LRFN1: variants seen among roughly 807,000 people sequenced by gnomAD.
The protein encoded by LRFN1 is leucine-rich repeat and fibronectin type III domain-containing protein 1.
A neutral mutation model predicts 31.8 loss-of-function variants in LRFN1; 20 were observed. The ratio of observed to expected loss-of-function variants is 0.63; its 90% CI spans 0.44 to 0.91. LRFN1 has a LOEUF of 0.91. Ranked by LOEUF, LRFN1 falls within the 40% of genes least tolerant of loss-of-function variation. The pLI is 0.00. For synonymous variants in LRFN1, 514 were observed against 541.3 expected (o/e 0.95, Z 0.70); for missense variants, 912 against 1,129.8 (o/e 0.81, Z 2.76).
chr19:39,307,705 G>T lies in LRFN1; in HGVS notation c.2244C>A (p.Asp748Glu), dbSNP rs762427646. ...ACGCCCTGGCGGAGCCCAGCCCCAGGTCTCCATCCTCCCCGGCCGCGCCCC... is the reference window on the plus strand; with the variant it reads ...ACGCCCTGGCGGAGCCCAGCCCCAGTTCTCCATCCTCCCCGGCCGCGCCCC... ...AGGGAAGEDG[D>E]LGLGSARACL... Residue 748 changes from aspartate to glutamate, a missense_variant, in exon 5 of 5, where the codon GAC becomes GAA. By Grantham distance (45) the Asp-to-Glu change is conservative. Around this residue, in one of 2 missense-constraint regions of LRFN1, gnomAD observed 511 missense variants for 557.0 expected, o/e 0.92. Transcript: ENST00000248668. This position sits in a 1 kb window ranked among gnomAD's most constrained non-coding sequence, Gnocchi z 6.7. The T allele has an allele frequency of 2.6e-6, 4 of 1,514,600 alleles. No homozygotes were observed. The highest frequency in any genetic ancestry group is 1.4e-5 in the African/African-American group (1 of 69,272). The allele number at this position is 1,514,600 out of a possible 1,614,324, so 93.8% of individuals were successfully genotyped here. A position where few individuals can be genotyped will look rare whatever the true frequency, so the allele number is the denominator to read the frequency against.
In LRFN1 at chr19:39,308,117, A is replaced by G. The variant is rs1311823711; in HGVS notation, c.1832T>C (p.Val611Ala). The G allele has an allele frequency of 6.6e-7, 1 of 1,507,082 alleles. No homozygotes were observed. The highest frequency in any genetic ancestry group is 2.3e-5 in the East Asian group (1 of 42,896). The allele number at this position is 1,507,082 out of a possible 1,614,324, so 93.4% of individuals were successfully genotyped here. A position where few individuals can be genotyped will look rare whatever the true frequency, so the allele number is the denominator to read the frequency against. ...GACGGCGGGGGCAGCCTGGGACTCC[A>G]CCTCGCGCAGCGCCTCGTAGTGGTC... ...AQDHYEALREVESQAAPAVAV... is the reference protein window; with the variant it reads ...AQDHYEALREAESQAAPAVAV... The change falls in exon 5 of 5, where the codon GTG (valine) becomes GCG (alanine). Residue 611 changes from valine to alanine, a missense_variant. This residue lies in a region of LRFN1 where 511 missense variants were observed against 557.0 expected (regional missense o/e 0.92). Transcript: ENST00000248668. The surrounding 1 kb of genome is among the most constrained non-coding windows in gnomAD (Gnocchi z 6.2).
intron 1 of LRFN1, among the ~76,000 whole-genome samples, chr19:39,320,321 C>CACAT (rs1048817488): frequency 1.3e-5 from 2 of 151,474 alleles, no homozygotes; most frequent in African/African-American, 4.9e-5. Context: ...CACACACACA[C>CACAT]ACACACACAC....
intron 2 of LRFN1, among the ~76,000 whole-genome samples, chr19:39,318,101 C>T (rs1015253048): frequency 6.6e-6 from 1 of 152,190 alleles, no homozygotes; most frequent in Non-Finnish European, 1.5e-5. Flanking sequence ...CACCTGCTCC[C>T]CAGAGCCACC....
At chr19:39,320,305 GACACACACACAC>G (rs35232910) in intron 1 of LRFN1, among the ~76,000 whole-genome samples, 11 of 134,656 alleles carry the variant, frequency 8.2e-5, no homozygotes, top group South Asian at 4.9e-4. Flanking sequence ...ACAACCCGCA[GACACACACACAC>G]ACACACACAC....
chr19:39,311,688 T>C (rs2075150846), intron 4 of LRFN1, among the ~76,000 whole-genome samples: 1 of 152,000 alleles, frequency 6.6e-6, no homozygotes, highest in East Asian at 1.9e-4. Context: ...TGGAAGTTCG[T>C]TGTGAAGGTT....
chr19:39,315,313 C>G lies in LRFN1; in HGVS notation c.24G>C (p.Ser8=), dbSNP rs1436693920. 2.0e-6 allele frequency: 3 copies of G among 1,481,924 alleles called. No homozygotes were observed. The highest frequency in any genetic ancestry group is 2.7e-5 in the South Asian group (2 of 75,330). 91.8% of individuals were successfully genotyped at this position (1,481,924 alleles called of 1,614,324 possible). A position where few individuals can be genotyped will look rare whatever the true frequency, so the allele number is the denominator to read the frequency against. The part of the protein sequence containing the change: MAPGPFS[S]ALLSPPPAAL... The stretch of plus-strand genomic sequence containing the variant: ...CAGCGGGCGGCGGCGAGAGGAGGGC[C>G]GAGGAGAAGGGTCCTGGAGCCATGG... Residue 8 remains serine, a synonymous_variant, in exon 4 of 5, where the codon TCG becomes TCC. Coordinates refer to ENST00000248668, the MANE Select transcript of LRFN1 (RefSeq NM_020862.2). The surrounding 1 kb of genome is among the most constrained non-coding windows in gnomAD (Gnocchi z 4.7).
intron 4 of LRFN1, among the ~76,000 whole-genome samples, chr19:39,313,393 T>A (rs2075157644): frequency 6.6e-6 from 1 of 152,052 alleles, no homozygotes; most frequent in Non-Finnish European, 1.5e-5. Flanking sequence ...TAGCTGGGTG[T>A]GTTGGTGGGT....
chr19:39,313,815 C>T, intron 4 of LRFN1, 116 bp downstream of exon 4: 1 of 917,394 alleles, frequency 1.1e-6, no homozygotes, highest in South Asian at 1.7e-5. Flanking sequence ...GCGGGAACAG[C>T]TCTCACAGCC....
rs1182919936 is a variant in LRFN1 at position 39,306,733 on chromosome 19, A to C, written c.*900T>G. ...GCAATCTAGGTCACCCTCCCCCAACACACACACACACACACACACACACAC... is the reference window on the plus strand; with the variant it reads ...GCAATCTAGGTCACCCTCCCCCAACCCACACACACACACACACACACACAC... On this transcript the variant is annotated 3_prime_UTR_variant, in exon 5 of 5. Transcript: ENST00000248668. 5 of 86,604 alleles carry C rather than the reference A, an allele frequency of 5.8e-5. No individual in the cohort carries two copies. In the East Asian group the frequency reaches 1.1e-3, roughly 19 times the overall value. 5.4% of individuals were successfully genotyped at this position (86,604 alleles called of 1,614,324 possible).
At position 39,306,730 on chromosome 19, in the gene LRFN1, AACACACACAC is replaced by A. The variant is rs58972296; in HGVS notation, c.*893_*902del. 1.5e-3 allele frequency: 205 copies of A among 134,860 alleles called. No homozygotes were observed. The highest frequency in any genetic ancestry group is 4.5e-3 in the African/African-American group (166 of 37,102). 8.4% of individuals were successfully genotyped at this position (134,860 alleles called of 1,614,324 possible). Reference sequence around the variant, plus strand: ...GCTGCAATCTAGGTCACCCTCCCCCAACACACACACACACACACACACACACACACACACA... The same window carrying A: ...GCTGCAATCTAGGTCACCCTCCCCCAACACACACACACACACACACACACA... On this transcript the variant is annotated 3_prime_UTR_variant, in exon 5 of 5. Coordinates refer to ENST00000248668, the MANE Select transcript of LRFN1 (RefSeq NM_020862.2).
chr19:39,317,274 C>G (rs2075174892), intron 2 of LRFN1, among the ~76,000 whole-genome samples: 1 of 152,074 alleles, frequency 6.6e-6, no homozygotes, highest in Admixed American at 6.6e-5. Flanking sequence ...GTAAGAGAGA[C>G]AATGACCGGG....
At position 39,307,567 on chromosome 19, in the gene LRFN1, C is replaced by A; in HGVS notation, c.*66G>T. The A allele has an allele frequency of 7.5e-7, 1 of 1,334,422 alleles. No individual in the cohort carries two copies. Among genetic ancestry groups the A allele is most frequent in the Non-Finnish European group, 9.6e-7 (1 of 1,042,684 alleles). 82.7% of individuals were successfully genotyped at this position (1,334,422 alleles called of 1,614,324 possible). ...GGCGCTGCGCTTTCTCCCAGTCCCGCCCCAGCGTCCGTGCGGCTGGGCGTT... is the reference window on the plus strand; with the variant it reads ...GGCGCTGCGCTTTCTCCCAGTCCCGACCCAGCGTCCGTGCGGCTGGGCGTT... On this transcript the variant is annotated 3_prime_UTR_variant, in exon 5 of 5. Coordinates refer to ENST00000248668, the MANE Select transcript of LRFN1 (RefSeq NM_020862.2). This position sits in a 1 kb window ranked among gnomAD's most constrained non-coding sequence, Gnocchi z 6.7.
rs1176229727 is a variant in LRFN1, at chr19:39,307,271, T to TG, written c.*361dup. ...CTCGCCCCGGCCCCGGGTGACGGGC[T>TG]GGGGGAGGGGGCTCGTGTCTCAGTG... On this transcript the variant is annotated 3_prime_UTR_variant, in exon 5 of 5. Transcript: ENST00000248668. The surrounding 1 kb of genome is among the most constrained non-coding windows in gnomAD (Gnocchi z 6.7). 2 of 397,908 alleles carry TG rather than the reference T, an allele frequency of 5.0e-6. No individual in the cohort carries two copies. Among genetic ancestry groups the TG allele is most frequent in the East Asian group, 3.6e-5 (1 of 27,994 alleles). 24.6% of individuals were successfully genotyped at this position (397,908 alleles called of 1,614,324 possible).
At chr19:39,310,895 G>A (rs762082780) in intron 4 of LRFN1, among the ~76,000 whole-genome samples, 3 of 151,732 alleles carry the variant, frequency 2.0e-5, no homozygotes, top group Non-Finnish European at 2.9e-5. Flanking sequence ...TCAGGGCCCC[G>A]CCCCTTCATA....
rs2075162865 is a variant in LRFN1 at position 39,314,416 on chromosome 19, G to A, written c.921C>T (p.Gly307=). Reference sequence around the variant, plus strand: ...CCTGGCCTTCCACCACCAGGGCCCGGCCCCCCGCCTGCCGTGTGATCAGCG... The same window carrying A: ...CCTGGCCTTCCACCACCAGGGCCCGACCCCCCGCCTGCCGTGTGATCAGCG... ...EPPLITRQAG[G]RALVVEGQAV... is the part of the protein sequence containing the mutation. Residue 307 remains glycine, a synonymous_variant, in exon 4 of 5, where the codon GGC becomes GGT. Coordinates refer to ENST00000248668, the MANE Select transcript of LRFN1 (RefSeq NM_020862.2). The A allele has an allele frequency of 3.1e-6, 5 of 1,604,510 alleles. No individual in the cohort carries two copies. The highest frequency in any genetic ancestry group is 1.1e-5 in the South Asian group (1 of 89,752).
At position 39,314,602 on chromosome 19, in the gene LRFN1, C is replaced by A; in HGVS notation, c.735G>T (p.Leu245=). Residue 245 remains leucine, a synonymous_variant, in exon 4 of 5, where the codon CTG becomes CTT. Transcript: ENST00000248668. ...GGGGGTTGCCGCCGAAGCTGACGGT[C>A]AGCGGGGTGGGCGGCTTGGGCCCGG... The part of the protein sequence containing the change: ...QGTGPKPPTP[L]TVSFGGNPLH... 1 of 1,610,202 alleles carries A rather than the reference C, an allele frequency of 6.2e-7. No homozygotes were observed. Among genetic ancestry groups the A allele is most frequent in the African/African-American group, 1.3e-5 (1 of 74,988 alleles).
In LRFN1 at chr19:39,314,099, G is replaced by C; in HGVS notation, c.1238C>G (p.Thr413Arg). 1.2e-6 allele frequency: 2 copies of C among 1,612,448 alleles called. No homozygotes were observed. The highest frequency in any genetic ancestry group is 1.7e-6 in the Non-Finnish European group (2 of 1,179,408). ...LTEPGSSDIA[T>R]PGRPGANDSA... ...ATCGTTGGCACCTGGTCTGCCCGGC[G>C]TGGCGATGTCAGAGGAGCCGGGCTC... The change falls in exon 4 of 5, where the codon ACG (threonine) becomes AGG (arginine). Residue 413 changes from threonine to arginine, a missense_variant. Transcript: ENST00000248668.
intron 1 of LRFN1, among the ~76,000 whole-genome samples, chr19:39,319,277 C>T (rs1255387975): frequency 1.3e-5 from 2 of 152,162 alleles, no homozygotes; most frequent in African/African-American, 4.8e-5. Context: ...CTACCTTGCA[C>T]ACTCACCAGC....
At chr19:39,313,218 TATATA>T in intron 4 of LRFN1, among the ~76,000 whole-genome samples, 1 of 152,276 alleles carries the variant, frequency 6.6e-6, no homozygotes, top group African/African-American at 2.4e-5. Flanking sequence ...GTAGTACTGG[TATATA>T]ATTTATAAAT....
Sources: gnomAD v4.1 joint callset for allele counts (sites outside exome capture counted in the v4.1 genomes callset) on GRCh38, gnomAD v4.1.1 for gene constraint, gnomAD v4.1.1 regional missense constraint, Gnocchi (gnomAD v3.1) non-coding constraint, MANE v1.5 for transcripts, NCBI Gene and HGNC (gene_info 2026-07-23, HGNC 2026-07-21) for gene names.